The following GRIK2 variants were observed in gnomAD, a reference collection of about 807,000 sequenced individuals.
GRIK2 encodes glutamate ionotropic receptor kainate type subunit 2, also known as glutamate receptor ionotropic, kainate 2.
A neutral mutation model predicts 100.3 loss-of-function variants in GRIK2; 32 were observed. That is an observed-to-expected ratio of 0.32 (90% confidence interval 0.24 to 0.43). GRIK2 has a LOEUF of 0.43. Among genes scored for constraint, GRIK2 ranks in the 20% least tolerant of loss-of-function variants. The pLI is 1.00. For synonymous variants in GRIK2, 417 were observed against 389.4 expected (o/e 1.07, Z -0.83); for missense variants, 843 against 1,114.9 (o/e 0.76, Z 3.47).
chr6:101,796,589 A>G (rs1039995017), intron 7 of GRIK2, among the ~76,000 whole-genome samples: 1 of 152,198 alleles, frequency 6.6e-6, no homozygotes, highest in Admixed American at 6.5e-5. Context: ...ACTGGAGAAA[A>G]TATCATAGAA....
rs1790781910 is a variant in GRIK2, at chr6:101,938,938, G to A, written c.2085+10306G>A. Among the ~76,000 whole-genome samples the A allele has an allele frequency of 2.0e-5, 3 of 151,942 alleles. No homozygotes were observed. In the South Asian group the frequency reaches 6.2e-4, roughly 31 times the overall value. ...ATTGTATACACCATAGCACAAGTGA[G>A]TTCAGTGAAAAGATTTGATTATCTC... On this transcript the variant is annotated intron_variant, in intron 14 of 16. Transcript: ENST00000369134.
intron 14 of GRIK2, among the ~76,000 whole-genome samples, chr6:102,020,606 T>A (rs1769374182): frequency 6.6e-6 from 1 of 151,850 alleles, no homozygotes. Context: ...CTTGCTAAAC[T>A]GACTTAACAG....
intron 7 of GRIK2, among the ~76,000 whole-genome samples, chr6:101,748,884 T>A (rs1776610363): frequency 6.6e-6 from 1 of 152,166 alleles, no homozygotes. Flanking sequence ...AGACATTGGC[T>A]TAGAAAAACT....
intron 2 of GRIK2, among the ~76,000 whole-genome samples, chr6:101,454,901 T>A (rs1405716274): frequency 1.3e-5 from 2 of 152,178 alleles, no homozygotes; most frequent in African/African-American, 4.8e-5. Flanking sequence ...ATTTACAAAA[T>A]TCACATACCC....
At chr6:101,495,503 C>T (rs1773397288) in intron 2 of GRIK2, among the ~76,000 whole-genome samples, 1 of 152,000 alleles carries the variant, frequency 6.6e-6, no homozygotes, top group African/African-American at 2.4e-5. Flanking sequence ...AAGACTCCGT[C>T]TCAAAATAAG....
intron 2 of GRIK2, among the ~76,000 whole-genome samples, chr6:101,499,665 TTTG>T (rs1312643731): frequency 7.9e-5 from 12 of 152,294 alleles, no homozygotes; most frequent in African/African-American, 2.9e-4. Context: ...TGCCATTAAA[TTTG>T]TTGTTTTCAA....
chr6:101,582,475 G>T (rs964653193), intron 2 of GRIK2, among the ~76,000 whole-genome samples: 1 of 152,126 alleles, frequency 6.6e-6, no homozygotes, highest in Non-Finnish European at 1.5e-5. Flanking sequence ...GCCCTGTGAA[G>T]AGGTGCCTTC....
chr6:101,870,917 T>C (rs1785374039), intron 11 of GRIK2, among the ~76,000 whole-genome samples: 2 of 151,876 alleles, frequency 1.3e-5, no homozygotes, highest in African/African-American at 2.4e-5. Flanking sequence ...AGAGCACGTG[T>C]TCTGAAAAAC....
At chr6:101,862,845 C>G (rs1292146453) in intron 11 of GRIK2, among the ~76,000 whole-genome samples, 1 of 152,020 alleles carries the variant, frequency 6.6e-6, no homozygotes, top group East Asian at 1.9e-4. Flanking sequence ...TTTGTTTTTC[C>G]TTTATGTACT....
intron 7 of GRIK2, among the ~76,000 whole-genome samples, chr6:101,786,315 A>T (rs1017268350): frequency 1.3e-5 from 2 of 151,470 alleles, no homozygotes; most frequent in Non-Finnish European, 2.9e-5. Flanking sequence ...GATTGCTCTG[A>T]GTAGGACTTT....
At chr6:101,513,959 A>C (rs559550369) in intron 2 of GRIK2, among the ~76,000 whole-genome samples, 2 of 152,152 alleles carry the variant, frequency 1.3e-5, no homozygotes, top group Non-Finnish European at 2.9e-5. Flanking sequence ...TCAACAAATC[A>C]AAAAATTTGT....
intron 2 of GRIK2, among the ~76,000 whole-genome samples, chr6:101,535,433 C>G (rs922837564): frequency 6.6e-6 from 1 of 151,680 alleles, no homozygotes; most frequent in Non-Finnish European, 1.5e-5. Flanking sequence ...TGTTAGATAA[C>G]TTTTTGTTTT....
At chr6:101,675,407 TA>T (rs1770761190) in intron 4 of GRIK2, among the ~76,000 whole-genome samples, 1 of 152,100 alleles carries the variant, frequency 6.6e-6, no homozygotes, top group Admixed American at 6.6e-5. Flanking sequence ...TGTCATACTG[TA>T]TTGATGAAGG....
intron 4 of GRIK2, among the ~76,000 whole-genome samples, chr6:101,628,288 T>C (rs1780554531): frequency 6.6e-6 from 1 of 151,932 alleles, no homozygotes; most frequent in African/African-American, 2.4e-5. Context: ...GGGAAAATAA[T>C]TTCAAAAACA....
chr6:102,003,326 A>G (rs2243666), intron 14 of GRIK2, among the ~76,000 whole-genome samples: 7,661 of 151,724 alleles, frequency 0.05, 229 homozygotes, highest in South Asian at 0.076. Context: ...ATGCGAGTGC[A>G]TATATACACG....
intron 7 of GRIK2, among the ~76,000 whole-genome samples, chr6:101,765,324 G>A (rs909284335): frequency 3.3e-5 from 5 of 152,076 alleles, no homozygotes; most frequent in Non-Finnish European, 7.4e-5. Context: ...TATCTCTCTA[G>A]CATTAGCTTA....
intron 2 of GRIK2, among the ~76,000 whole-genome samples, chr6:101,409,705 A>T (rs1237452697): frequency 6.6e-6 from 1 of 151,972 alleles, no homozygotes; most frequent in Non-Finnish European, 1.5e-5. Context: ...ATTATTTGCT[A>T]CCTGTTTAAC....
At chr6:101,509,740 T>C (rs141588057) in intron 2 of GRIK2, among the ~76,000 whole-genome samples, 359 of 152,324 alleles carry the variant, frequency 2.4e-3, no homozygotes, top group Middle Eastern at 6.8e-3. Flanking sequence ...CATAATCAAA[T>C]AGAAAGCAAC....
At chr6:101,795,792 G>T (rs958648271) in intron 7 of GRIK2, among the ~76,000 whole-genome samples, 4 of 152,208 alleles carry the variant, frequency 2.6e-5, no homozygotes, top group African/African-American at 9.6e-5. Flanking sequence ...AGTGCCAGGG[G>T]TGTGGGCCTG....
Sources: allele counts gnomAD v4.1 joint callset (sites outside exome capture counted in the v4.1 genomes callset), GRCh38; gene constraint gnomAD v4.1.1; transcripts MANE v1.5; gene names NCBI Gene and HGNC (gene_info 2026-07-23, HGNC 2026-07-21).